STON2: variants seen among roughly 807,000 people sequenced by gnomAD.
STON2 encodes stonin 2.
In STON2, 29 loss-of-function variants were observed where a neutral mutation model predicts 65.7. That is an observed-to-expected ratio of 0.44 (90% confidence interval 0.33 to 0.60). The LOEUF (loss-of-function observed/expected upper bound fraction) is 0.60, where lower values mean the gene tolerates loss of function less well. STON2 is among the 20% of genes least tolerant of loss of function. The pLI is 0.03. For synonymous variants in STON2, 404 were observed against 414.2 expected, an observed-to-expected ratio of 0.98 and a Z score of 0.30; for missense variants, 1,054 against 1,118.1, an observed-to-expected ratio of 0.94 and a Z score of 0.82.
chr14:81,376,929 G>A lies in STON2; in HGVS notation c.374-5744C>T, dbSNP rs182975813. On this transcript the variant is annotated intron_variant, in intron 3 of 7. Coordinates refer to ENST00000614646, the MANE Select transcript of STON2 (RefSeq NM_001394390.1). The stretch of plus-strand genomic sequence containing the variant: ...CCTAATCACTCTCTCTTGAATTCCC[G>A]TCCTCTAATAGAATATTACAATCAG... Among the ~76,000 whole-genome samples, 803 of 151,948 alleles carry A rather than the reference G, an allele frequency of 5.3e-3. 11 individuals are homozygous for A. The highest frequency in any genetic ancestry group is 5.4e-3 in the Non-Finnish European group (364 of 67,962).
intron 4 of STON2, among the ~76,000 whole-genome samples, chr14:81,331,073 C>T (rs764067617): frequency 6.6e-6 from 1 of 152,340 alleles, no homozygotes; most frequent in Middle Eastern, 3.4e-3. Flanking sequence ...GTCAAAAGCA[C>T]CTGAGAAACC....
intron 3 of STON2, among the ~76,000 whole-genome samples, chr14:81,384,756 T>C (rs1423736402): frequency 2.0e-5 from 3 of 152,232 alleles, no homozygotes; most frequent in African/African-American, 7.2e-5. Flanking sequence ...TTCTTTCTTC[T>C]TGTCCTTCGG....
At chr14:81,353,629 G>A (rs1273945405) in intron 4 of STON2, among the ~76,000 whole-genome samples, 1 of 152,122 alleles carries the variant, frequency 6.6e-6, no homozygotes, top group Non-Finnish European at 1.5e-5. Flanking sequence ...TTTCCGCTTG[G>A]GACCACATTT....
At chr14:81,333,383 A>G in intron 4 of STON2, 4 of 453,106 alleles carry the variant, frequency 8.8e-6, no homozygotes, top group Non-Finnish European at 1.6e-5. Flanking sequence ...ATCCTCAGAC[A>G]GCCAGGGAGG....
intron 2 of STON2, among the ~76,000 whole-genome samples, chr14:81,408,466 C>T (rs1490481609): frequency 6.6e-6 from 1 of 152,132 alleles, no homozygotes; most frequent in Non-Finnish European, 1.5e-5. Context: ...AGTGAACTCC[C>T]TCTTCTTTTT....
chr14:81,403,216 C>T (rs1431910145), upstream of STON2, among the ~76,000 whole-genome samples: 1 of 152,276 alleles, frequency 6.6e-6, no homozygotes, highest in Admixed American at 6.5e-5. Context: ...ATTTGGGATA[C>T]ATTTTCCCTA....
Position 81,316,746 on chromosome 14 carries a change from C to T in STON2, c.742+7271G>A, listed in dbSNP as rs553611451. ...TATAAAGAAAGGAGGTTTGGCCGGG[C>T]GTGGTGGCTCACGCCTGTAATACCA... On this transcript the variant is annotated intron_variant, in intron 5 of 7. Coordinates refer to ENST00000614646, the MANE Select transcript of STON2 (RefSeq NM_001394390.1). 1.2e-3 allele frequency among the ~76,000 whole-genome samples: 184 copies of T among 152,282 alleles called. 5 individuals are homozygous for T. Among genetic ancestry groups the T allele is most frequent in the Non-Finnish European group, 2.9e-4 (20 of 68,012 alleles).
At chr14:81,352,760 TACC>T (rs1473475723) in intron 4 of STON2, among the ~76,000 whole-genome samples, 21 of 152,366 alleles carry the variant, frequency 1.4e-4, no homozygotes, top group Admixed American at 1.2e-3. Context: ...TCTTCAGTAT[TACC>T]ACATTAGCCA....
chr14:81,425,213 T>C (rs1172706727), intron 2 of STON2, among the ~76,000 whole-genome samples: 1 of 152,198 alleles, frequency 6.6e-6, no homozygotes, highest in Non-Finnish European at 1.5e-5. Context: ...AATATTATTA[T>C]TTGCTAAGTG....
chr14:81,356,752 G>A (rs1055753654), intron 4 of STON2, among the ~76,000 whole-genome samples: 8 of 151,972 alleles, frequency 5.3e-5, no homozygotes, highest in Non-Finnish European at 1.2e-4. Flanking sequence ...TGTATGTGTT[G>A]AGGAATTTAT....
chr14:81,411,062 T>C (rs1420908592), intron 2 of STON2, among the ~76,000 whole-genome samples: 2 of 152,244 alleles, frequency 1.3e-5, no homozygotes, highest in African/African-American at 2.4e-5. Flanking sequence ...TAAAATTAGG[T>C]TGCCTTTTCA....
chr14:81,394,920 G>A (rs1900242189), intron 3 of STON2: 2 of 152,174 alleles, frequency 1.3e-5, no homozygotes, highest in African/African-American at 2.4e-5. Context: ...CACTACACTT[G>A]TGGTGACTTG....
chr14:81,289,412 G>A (rs968185802), intron 5 of STON2, among the ~76,000 whole-genome samples: 2 of 152,150 alleles, frequency 1.3e-5, no homozygotes, highest in African/African-American at 4.8e-5. Context: ...GTGGGGGACT[G>A]GTCAGTGGTG....
chr14:81,405,999 T>G (rs1900839964), intron 2 of STON2, among the ~76,000 whole-genome samples: 1 of 152,178 alleles, frequency 6.6e-6, no homozygotes, highest in Non-Finnish European at 1.5e-5. Context: ...CTGGCCTTCA[T>G]CTTTCTCCCA....
intron 2 of STON2, among the ~76,000 whole-genome samples, chr14:81,405,460 G>GTTTTTTTTTTTTTTTTTTT (rs376505307): frequency 4.7e-5 from 3 of 63,312 alleles, no homozygotes; most frequent in African/African-American, 1.5e-4. Context: ...AGTTACTATT[G>GTTTTTTTTTTTTTTTTTTT]TTTTTTTTTT....
chr14:81,396,063 C>T lies in STON2; in HGVS notation c.204G>A (p.Gln68=). 1 of 1,614,164 alleles carries T rather than the reference C, an allele frequency of 6.2e-7. No individual in the cohort carries two copies. The highest frequency in any genetic ancestry group is 8.5e-7 in the Non-Finnish European group (1 of 1,180,030). The change falls in exon 3 of 8, where the codon CAG becomes CAA. Residue 68 remains glutamine, a synonymous_variant. Transcript: ENST00000614646. ...GGSQDHSHSE[Q]DDSSEKMGLI... is the part of the protein sequence containing the mutation. The stretch of plus-strand genomic sequence containing the variant: ...GGCCCATCTTTTCAGAGGAGTCATC[C>T]TGCTCCGAGTGGGAATGGTCTTGAG...
At chr14:81,351,130 T>C (rs186828357) in intron 4 of STON2, among the ~76,000 whole-genome samples, 1 of 152,138 alleles carries the variant, frequency 6.6e-6, no homozygotes, top group African/African-American at 2.4e-5. Flanking sequence ...CTCAATTCTC[T>C]TTCTAGACTC....
rs1436479621 is a variant in STON2 at position 81,266,865 on chromosome 14, T to TA, written c.*1548dup. On this transcript the variant is annotated 3_prime_UTR_variant, in exon 8 of 8. Transcript: ENST00000614646. ...ACAAACACACACTCCACTCTGTACT[T>TA]AGAGGGTTGCATTTTAAAAACCCAG... The TA allele has an allele frequency of 2.0e-6, 2 of 980,800 alleles. No homozygotes were observed. The highest frequency in any genetic ancestry group is 3.5e-5 in the African/African-American group (2 of 57,108). The allele number at this position is 980,800 out of a possible 1,614,324, so 60.8% of individuals were successfully genotyped here.
intron 2 of STON2, among the ~76,000 whole-genome samples, chr14:81,419,466 G>C (rs1901597821): frequency 6.6e-6 from 1 of 152,166 alleles, no homozygotes; most frequent in African/African-American, 2.4e-5. Context: ...AGGAAATTAT[G>C]GAACAGATGG....
Sources: gnomAD v4.1 joint callset for allele counts (sites outside exome capture counted in the v4.1 genomes callset) on GRCh38, gnomAD v4.1.1 for gene constraint, MANE v1.5 for transcripts, NCBI Gene and HGNC (gene_info 2026-07-23, HGNC 2026-07-21) for gene names.